MDM4: variants seen among roughly 807,000 people sequenced by gnomAD.
MDM4 encodes protein Mdm4.
In MDM4, 2 loss-of-function variants were observed where a neutral mutation model predicts 60.2. The ratio of observed to expected loss-of-function variants is 0.03; its 90% CI spans 0.01 to 0.10. MDM4 has a LOEUF of 0.10. Among genes scored for constraint, MDM4 ranks in the 10% least tolerant of loss-of-function variants. MDM4 has a pLI of 1.00. For synonymous variants in MDM4, 202 were observed against 198.1 expected (o/e 1.02, Z -0.17); for missense variants, 447 against 577.5 (o/e 0.77, Z 2.32).
chr1:204,522,683 G>A (rs944653881), intron 1 of MDM4, among the ~76,000 whole-genome samples: 1 of 152,070 alleles, frequency 6.6e-6, no homozygotes, highest in Non-Finnish European at 1.5e-5. Flanking sequence ...GAGATTATAG[G>A]CGTGAGCCAC....
chr1:204,529,175 C>T (rs1027083758), intron 3 of MDM4: 32 of 841,140 alleles, frequency 3.8e-5, no homozygotes, highest in African/African-American at 6.7e-5. Context: ...GCTGAGAAGC[C>T]GTAGACATTT....
chr1:204,539,869 A>G (rs1431387465), intron 7 of MDM4, among the ~76,000 whole-genome samples: 1 of 152,098 alleles, frequency 6.6e-6, no homozygotes, highest in East Asian at 1.9e-4. Flanking sequence ...ACAAGTAGAA[A>G]ATTTAACACC....
Position 204,556,189 on chromosome 1 carries a change from A to G in MDM4, c.*6507A>G, listed in dbSNP as rs190076010. ...ATTTCTGGATATTGCTTTTATACCAAAGACCCTTATCAGCCCTTGTAACTA... is the reference window on the plus strand; with the variant it reads ...ATTTCTGGATATTGCTTTTATACCAGAGACCCTTATCAGCCCTTGTAACTA... On this transcript the variant is annotated 3_prime_UTR_variant, in exon 11 of 11. Coordinates refer to ENST00000367182, the MANE Select transcript of MDM4 (RefSeq NM_002393.5). 4.4e-3 allele frequency: 990 copies of G among 226,204 alleles called. 5 individuals carry two copies. The highest frequency in any genetic ancestry group is 0.012 in the Middle Eastern group (9 of 754). The allele number at this position is 226,204 out of a possible 1,614,324, so 14.0% of individuals were successfully genotyped here.
intron 5 of MDM4, among the ~76,000 whole-genome samples, chr1:204,535,896 G>A (rs1034184104): frequency 6.6e-6 from 1 of 152,086 alleles, no homozygotes; most frequent in African/African-American, 2.4e-5. Context: ...ATTTTTGCTT[G>A]TAACTGTTTT....
At position 204,522,272 on chromosome 1, in the gene MDM4, G is replaced by T. The variant is rs927194898; in HGVS notation, c.-35-3212G>T. ...GAGCCCAGGAGGTTGAAAGGCTGCA[G>T]TGAGCTGTGATTGTGCCACTGCACT... is the stretch of plus-strand genomic sequence containing the variant. On this transcript the variant is annotated intron_variant, in intron 1 of 10. Transcript: ENST00000367182. 3.3e-5 allele frequency among the ~76,000 whole-genome samples: 5 copies of T among 152,140 alleles called. No individual in the cohort carries two copies. In the East Asian group the frequency reaches 9.7e-4, roughly 29 times the overall value.
chr1:204,538,380 C>G lies in MDM4; in HGVS notation c.511+72C>G. ...CCAACCTTTTTATTTTTAATCTCTC[C>G]GTATGTGAAGTAGGAGAGGGATATG... On this transcript the variant is annotated intron_variant, in intron 7 of 10. Transcript: ENST00000367182. The G allele has an allele frequency of 3.6e-6, 3 of 825,982 alleles. No individual in the cohort carries two copies. The South Asian group carries it at 4.5e-5, about 12-fold the overall frequency. 51.2% of individuals were successfully genotyped at this position (825,982 alleles called of 1,614,324 possible). A position where few individuals can be genotyped will look rare whatever the true frequency, so the allele number is the denominator to read the frequency against.
At position 204,531,943 on chromosome 1, in the gene MDM4, C is replaced by T. The variant is rs188586362; in HGVS notation, c.288-248C>T. On this transcript the variant is annotated intron_variant, in intron 4 of 10. Coordinates refer to ENST00000367182, the MANE Select transcript of MDM4 (RefSeq NM_002393.5). The stretch of plus-strand genomic sequence containing the variant: ...AGATTTCCCCACTTGGATTACTGTT[C>T]GCTAATGAAATAAAATGTAAATTAA... Among the ~76,000 whole-genome samples the T allele has an allele frequency of 2.6e-5, 4 of 152,198 alleles. No homozygotes were observed. The East Asian group carries it at 5.8e-4, about 22-fold the overall frequency.
At chr1:204,521,114 A>T (rs909193576) in intron 1 of MDM4, among the ~76,000 whole-genome samples, 3 of 152,200 alleles carry the variant, frequency 2.0e-5, no homozygotes, top group African/African-American at 7.2e-5. Flanking sequence ...CCTGATCTGT[A>T]AAATAAGGAT....
At chr1:204,548,032 C>G (rs764518238) in intron 10 of MDM4, among the ~76,000 whole-genome samples, 4 of 152,246 alleles carry the variant, frequency 2.6e-5, no homozygotes, top group Admixed American at 1.3e-4. Flanking sequence ...ATGTTTCCAT[C>G]TTAATCAGAC....
intron 7 of MDM4, among the ~76,000 whole-genome samples, 188 bp downstream of exon 7, chr1:204,538,496 C>G (rs1157697360): frequency 6.6e-6 from 1 of 152,118 alleles, no homozygotes; most frequent in Non-Finnish European, 1.5e-5. Flanking sequence ...TTTAGCAACC[C>G]GTGAGTACTA....
chr1:204,523,669 C>T (rs1402484230), intron 1 of MDM4, among the ~76,000 whole-genome samples: 1 of 151,626 alleles, frequency 6.6e-6, no homozygotes, highest in East Asian at 2.0e-4. Flanking sequence ...TTAGTAGAGA[C>T]AGGGTTTTGC....
intron 1 of MDM4, among the ~76,000 whole-genome samples, chr1:204,521,004 G>A (rs1363204767): frequency 6.6e-6 from 1 of 152,202 alleles, no homozygotes; most frequent in Non-Finnish European, 1.5e-5. Flanking sequence ...GGGAAAAAAT[G>A]CTGCTAAACG....
chr1:204,527,364 T>C (rs568072560), intron 3 of MDM4, among the ~76,000 whole-genome samples: 1 of 151,958 alleles, frequency 6.6e-6, no homozygotes, highest in Admixed American at 6.6e-5. Context: ...TAGTTTTTAT[T>C]ATAAATGTGT....
chr1:204,525,480 T>G lies in MDM4; in HGVS notation c.-35-4T>G, dbSNP rs933957455. Reference sequence around the variant, plus strand: ...AGATGTTATAAATTTTTTTTTCTATTTAGTTTTACCAACAGACTGCAGTTT... The same window carrying G: ...AGATGTTATAAATTTTTTTTTCTATGTAGTTTTACCAACAGACTGCAGTTT... On this transcript the variant is annotated splice_region_variant and splice_polypyrimidine_tract_variant and intron_variant, in intron 1 of 10. Coordinates refer to ENST00000367182, the MANE Select transcript of MDM4 (RefSeq NM_002393.5). The G allele has an allele frequency of 1.3e-6, 2 of 1,575,082 alleles. No homozygotes were observed. Among genetic ancestry groups the G allele is most frequent in the Admixed American group, 4.1e-5 (2 of 48,546 alleles).
rs1281997531 is a variant in MDM4 at position 204,555,612 on chromosome 1, C to T, written c.*5930C>T. 3.5e-5 allele frequency: 6 copies of T among 169,506 alleles called. No individual in the cohort carries two copies. Among genetic ancestry groups the T allele is most frequent in the Non-Finnish European group, 6.4e-5 (5 of 78,026 alleles). The allele number at this position is 169,506 out of a possible 1,614,324, so 10.5% of individuals were successfully genotyped here. ...AGGGGCGGTGGCTTACGCCTGTAAT[C>T]CCAGCACTTTGGGAGGCCGAGGTGG... On this transcript the variant is annotated 3_prime_UTR_variant, in exon 11 of 11. Coordinates refer to ENST00000367182, the MANE Select transcript of MDM4 (RefSeq NM_002393.5).
rs1022674862 is a variant in MDM4, at chr1:204,549,994, A to G, written c.*312A>G. On this transcript the variant is annotated 3_prime_UTR_variant, in exon 11 of 11. Coordinates refer to ENST00000367182, the MANE Select transcript of MDM4 (RefSeq NM_002393.5). ...AATATTGAGGTATAATTAACATGAT[A>G]AAGTGTTTCCTTCTAACGAGTTGTA... The G allele has an allele frequency of 5.2e-5, 14 of 267,444 alleles. No homozygotes were observed. The highest frequency in any genetic ancestry group is 9.2e-5 in the Non-Finnish European group (13 of 141,432). 16.6% of individuals were successfully genotyped at this position (267,444 alleles called of 1,614,324 possible).
At chr1:204,525,955 T>C (rs1442982685) in intron 2 of MDM4, among the ~76,000 whole-genome samples, 2 of 151,520 alleles carry the variant, frequency 1.3e-5, no homozygotes, top group African/African-American at 4.9e-5. Context: ...TTAAAAAAAG[T>C]AGGGGAGGTG....
Position 204,549,319 on chromosome 1 carries a change from C to T in MDM4, c.1110C>T (p.Val370=), listed in dbSNP as rs753233164. 5.0e-6 allele frequency: 8 copies of T among 1,614,130 alleles called. No individual in the cohort carries two copies. The highest frequency in any genetic ancestry group is 2.2e-5 in the East Asian group (1 of 44,890). ...GTCGAAGAACCATTTCGGCTCCTGT[C>T]GTTAGACCTAAAGATGCGTATATAA... ...PDCRRTISAP[V]VRPKDAYIKK... is the part of the protein sequence containing the mutation. The change falls in exon 11 of 11, where the codon GTC becomes GTT. Residue 370 remains valine (V), a synonymous_variant. Transcript: ENST00000367182.
chr1:204,532,553 T>C lies in MDM4; in HGVS notation c.343+307T>C. The C allele has an allele frequency of 5.2e-6, 3 of 574,728 alleles. No individual in the cohort carries two copies. In the Admixed American group the frequency reaches 1.1e-4, roughly 20 times the overall value. 35.6% of individuals were successfully genotyped at this position (574,728 alleles called of 1,614,324 possible). On this transcript the variant is annotated intron_variant, in intron 5 of 10. Transcript: ENST00000367182. Reference sequence around the variant, plus strand: ...TTCTCCAAACATTCAATATCATTATTACACATAACAAATTTAACATGTAAT... The same window carrying C: ...TTCTCCAAACATTCAATATCATTATCACACATAACAAATTTAACATGTAAT...
Sources: gnomAD v4.1 joint callset for allele counts (sites outside exome capture counted in the v4.1 genomes callset) on GRCh38, gnomAD v4.1.1 for gene constraint, MANE v1.5 for transcripts, NCBI Gene and HGNC (gene_info 2026-07-23, HGNC 2026-07-21) for gene names.